PALS2: variants seen among roughly 807,000 people sequenced by gnomAD.
The protein encoded by PALS2 is protein PALS2.
Under a neutral mutation model 61.6 loss-of-function variants are expected in PALS2, and 27 were observed. That is an observed-to-expected ratio of 0.44 (90% CI 0.32 to 0.60). The LOEUF (loss-of-function observed/expected upper bound fraction) is 0.60. Among genes scored for constraint, PALS2 ranks in the 20% least tolerant of loss-of-function variants. The pLI is 0.05. For missense variants in PALS2, 554 were observed against 639.4 expected (o/e 0.87, Z 1.44); for synonymous variants, 236 against 218.6 (o/e 1.08, Z -0.70).
At chr7:24,602,128 C>G (rs1783741092) in intron 1 of PALS2, among the ~76,000 whole-genome samples, 1 of 151,764 alleles carries the variant, frequency 6.6e-6, no homozygotes, top group African/African-American at 2.4e-5. Flanking sequence ...GTGGTATTTC[C>G]TCACATTTAC....
At chr7:24,665,202 G>A (rs17149815) in intron 6 of PALS2, among the ~76,000 whole-genome samples, 10,512 of 152,166 alleles carry the variant, frequency 0.069, 446 homozygotes, top group African/African-American at 0.11. Flanking sequence ...GGTTTGGCCT[G>A]AAATACCAAC....
intron 1 of PALS2, among the ~76,000 whole-genome samples, chr7:24,599,628 C>T (rs1304278588): frequency 6.6e-6 from 1 of 151,110 alleles, no homozygotes; most frequent in Non-Finnish European, 1.5e-5. Flanking sequence ...TCCCAGCCTC[C>T]CAAGTAGCTG....
chr7:24,580,188 T>C (rs1220275684), intron 1 of PALS2, among the ~76,000 whole-genome samples: 2 of 152,170 alleles, frequency 1.3e-5, no homozygotes, highest in Non-Finnish European at 2.9e-5. Flanking sequence ...ATAAATACTT[T>C]ATATTTTGTT....
intron 9 of PALS2, chr7:24,674,513 A>G (rs1787462498): frequency 2.0e-5 from 3 of 152,536 alleles, no homozygotes; most frequent in Non-Finnish European, 4.4e-5. Context: ...GTTTAGTTCA[A>G]CCATCATACA....
chr7:24,587,922 C>T (rs1027686504), intron 1 of PALS2, among the ~76,000 whole-genome samples: 1 of 152,130 alleles, frequency 6.6e-6, no homozygotes. Context: ...ACAGTTTGAT[C>T]TATTTGTTAT....
At chr7:24,610,033 C>T (rs1400912669) in intron 1 of PALS2, among the ~76,000 whole-genome samples, 2 of 152,086 alleles carry the variant, frequency 1.3e-5, no homozygotes, top group Non-Finnish European at 2.9e-5. Flanking sequence ...AGTGGTGTGT[C>T]CCCGTGTGTC....
intron 9 of PALS2, 110 bp from the exon 10 acceptor site, chr7:24,679,021 T>C: frequency 1.2e-6 from 1 of 850,846 alleles, no homozygotes; most frequent in Non-Finnish European, 1.9e-6. Flanking sequence ...GGTCATAGCC[T>C]ACAGTTTGCT....
rs1788341568 is a variant in PALS2 at position 24,688,941 on chromosome 7, G to T, written c.*1327G>T. 6.6e-6 allele frequency: 1 copy of T among 151,988 alleles called. No homozygotes were observed. The highest frequency in any genetic ancestry group is 1.5e-5 in the Non-Finnish European group (1 of 68,006). The allele number at this position is 151,988 out of a possible 1,614,324, so 9.4% of individuals were successfully genotyped here. ...CGACTCTCGTGCCTCAGCCTCCCAA[G>T]TAATTGAGATTACAGTTGGGTGCCA... is the stretch of plus-strand genomic sequence containing the variant. On this transcript the variant is annotated 3_prime_UTR_variant, in exon 12 of 12. Coordinates refer to ENST00000222644, the MANE Select transcript of PALS2 (RefSeq NM_001303037.2).
At chr7:24,662,911 ATAAC>A (rs1786811647) in intron 5 of PALS2, among the ~76,000 whole-genome samples, 1 of 152,222 alleles carries the variant, frequency 6.6e-6, no homozygotes, top group South Asian at 2.1e-4. Context: ...TTCGGAGATC[ATAAC>A]TAACAGTGTT....
rs188553216 is a variant in PALS2, at chr7:24,646,308, T to C, written c.271-3304T>C. 3.9e-4 allele frequency among the ~76,000 whole-genome samples: 60 copies of C among 152,312 alleles called. 1 individual carries two copies. The highest frequency in any genetic ancestry group is 3.4e-3 in the Middle Eastern group (1 of 294). ...GTGGGTTTGTCATAGATGGCTCTTA[T>C]TATTTTGAGGTATGTTCCTTTAATA... On this transcript the variant is annotated intron_variant, in intron 3 of 11. Coordinates refer to ENST00000222644, the MANE Select transcript of PALS2 (RefSeq NM_001303037.2).
At chr7:24,683,980 C>G (rs1373125075) in intron 11 of PALS2, among the ~76,000 whole-genome samples, 1 of 152,124 alleles carries the variant, frequency 6.6e-6, no homozygotes, top group East Asian at 1.9e-4. Flanking sequence ...AGTACAAACA[C>G]AACATTCTGG....
At chr7:24,663,747 C>T (rs773583619) in intron 6 of PALS2, 26 bp downstream of exon 6, 1 of 1,591,780 alleles carries the variant, frequency 6.3e-7, no homozygotes, top group Non-Finnish European at 8.6e-7. Flanking sequence ...AGAAGTTCCT[C>T]AGCTACTTTT....
chr7:24,626,046 A>G (rs1277259784), intron 2 of PALS2, among the ~76,000 whole-genome samples: 3 of 152,230 alleles, frequency 2.0e-5, no homozygotes, highest in Non-Finnish European at 2.9e-5. Context: ...AGGCAGTCCC[A>G]TAAATGGTTC....
chr7:24,616,761 T>A (rs1784306405), intron 1 of PALS2, among the ~76,000 whole-genome samples: 2 of 152,322 alleles, frequency 1.3e-5, no homozygotes, highest in South Asian at 4.1e-4. Context: ...TTATTGTTTA[T>A]TTTTGTGGAT....
In PALS2 at chr7:24,595,518, TATATATA is replaced by T. The variant is rs1198297630; in HGVS notation, c.-3+21948_-3+21954del. Among the ~76,000 whole-genome samples, 716 of 91,062 alleles carry T rather than the reference TATATATA, an allele frequency of 7.9e-3. 4 individuals are homozygous for T. Among genetic ancestry groups the T allele is most frequent in the African/African-American group, 0.02 (399 of 19,564 alleles). 59.7% of individuals were successfully genotyped at this position (91,062 alleles called of 152,430 possible). ...TATTTTTAATATATATAATATATAATATATATAATATATAATATATAATATATAAATA... is the reference window on the plus strand; with the variant it reads ...TATTTTTAATATATATAATATATAATATATATAATATATAATATATAAATA... On this transcript the variant is annotated intron_variant, in intron 1 of 11. Coordinates refer to ENST00000222644, the MANE Select transcript of PALS2 (RefSeq NM_001303037.2).
At chr7:24,583,377 T>A (rs1234520857) in intron 1 of PALS2, among the ~76,000 whole-genome samples, 1 of 152,098 alleles carries the variant, frequency 6.6e-6, no homozygotes, top group African/African-American at 2.4e-5. Context: ...TGAAAACAAC[T>A]AGGTAGAGAA....
At chr7:24,637,939 G>T (rs1425721510) in intron 2 of PALS2, among the ~76,000 whole-genome samples, 1 of 152,090 alleles carries the variant, frequency 6.6e-6, no homozygotes, top group Non-Finnish European at 1.5e-5. Flanking sequence ...TTATGCTAGT[G>T]TTGCAATAGT....
At chr7:24,627,740 T>C (rs533320972) in intron 2 of PALS2, among the ~76,000 whole-genome samples, 1 of 152,096 alleles carries the variant, frequency 6.6e-6, no homozygotes, top group Non-Finnish European at 1.5e-5. Flanking sequence ...TATAAACACC[T>C]CTCTGCCAAT....
At chr7:24,577,743 T>C (rs1347969088) in intron 1 of PALS2, among the ~76,000 whole-genome samples, 1 of 152,144 alleles carries the variant, frequency 6.6e-6, no homozygotes, top group East Asian at 1.9e-4. Context: ...AGTTCAAATA[T>C]CATCTTTTCA....
Sources: allele counts gnomAD v4.1 joint callset (sites outside exome capture counted in the v4.1 genomes callset), GRCh38; gene constraint gnomAD v4.1.1; transcripts MANE v1.5; gene names NCBI Gene and HGNC (gene_info 2026-07-23, HGNC 2026-07-21).